Variants in BRINP3 observed in about 807,000 individuals in gnomAD.
BRINP3 encodes the protein BMP/retinoic acid-inducible neural-specific protein 3.
In BRINP3, 19 loss-of-function variants were observed where a neutral mutation model predicts 71.0. The observed-to-expected ratio is 0.27, with a 90% CI of 0.19 to 0.39. The LOEUF is 0.39. BRINP3 is among the 10% of genes least tolerant of loss of function. The pLI is 1.00. For synonymous variants in BRINP3, 380 were observed against 337.7 expected (o/e 1.13, Z -1.37); for missense variants, 959 against 940.8 (o/e 1.02, Z -0.25).
chr1:190,354,873 T>C (rs770619731), intron 2 of BRINP3, among the ~76,000 whole-genome samples: 30 of 151,914 alleles, frequency 2.0e-4, no homozygotes, highest in South Asian at 4.1e-4. Context: ...TATACCTCTA[T>C]TTAAAATTTG....
chr1:190,192,882 G>A (rs571685673), intron 6 of BRINP3, among the ~76,000 whole-genome samples: 4 of 151,952 alleles, frequency 2.6e-5, no homozygotes, highest in Non-Finnish European at 5.9e-5. Context: ...GGAAATATTC[G>A]GGGTAATAAT....
At chr1:190,309,579 A>T (rs1665374858) in intron 2 of BRINP3, among the ~76,000 whole-genome samples, 1 of 151,826 alleles carries the variant, frequency 6.6e-6, no homozygotes, top group Non-Finnish European at 1.5e-5. Flanking sequence ...GACTGGTATT[A>T]ACCTCATGAT....
rs140553518 is a variant in BRINP3, at chr1:190,114,052, C to G, written c.1185-14918G>C. Among the ~76,000 whole-genome samples, 46 of 152,166 alleles carry G rather than the reference C, an allele frequency of 3.0e-4. 1 individual carries two copies. The South Asian group carries it at 6.0e-3, about 20-fold the overall frequency. ...CCCAAATCTCATGTTGAAATGTTAT[C>G]CTCAGTGTTAGGGTTGGGGCCTGGG... On this transcript the variant is annotated intron_variant, in intron 7 of 7. Coordinates refer to ENST00000367462, the MANE Select transcript of BRINP3 (RefSeq NM_199051.3).
At chr1:190,394,040 A>T (rs1671420031) in intron 2 of BRINP3, among the ~76,000 whole-genome samples, 1 of 151,600 alleles carries the variant, frequency 6.6e-6, no homozygotes, top group South Asian at 2.1e-4. Context: ...ATCCATAGAA[A>T]ATATATAATG....
At chr1:190,300,155 G>A (rs565450635) in intron 2 of BRINP3, among the ~76,000 whole-genome samples, 1 of 152,180 alleles carries the variant, frequency 6.6e-6, no homozygotes, top group African/African-American at 2.4e-5. Context: ...TTTCCAACTT[G>A]GTTCCATTCT....
intron 2 of BRINP3, among the ~76,000 whole-genome samples, chr1:190,338,633 T>A (rs976084103): frequency 5.3e-5 from 8 of 151,990 alleles, no homozygotes; most frequent in Admixed American, 5.3e-4. Flanking sequence ...TTTAGACACA[T>A]GCCTGTTTTT....
intron 1 of BRINP3, among the ~76,000 whole-genome samples, chr1:190,463,826 G>A (rs1219931324): frequency 1.3e-5 from 2 of 151,668 alleles, no homozygotes; most frequent in Non-Finnish European, 3.0e-5. Context: ...TTATTTAAAG[G>A]TAATGAATTT....
At chr1:190,267,043 G>A (rs1661722991) in intron 3 of BRINP3, among the ~76,000 whole-genome samples, 2 of 152,086 alleles carry the variant, frequency 1.3e-5, no homozygotes, top group Non-Finnish European at 2.9e-5. Context: ...AGATACAGGA[G>A]CAATAGACAT....
rs750109546 is a variant in BRINP3, at chr1:190,365,635, G to T, written c.237-83885C>A. Among the ~76,000 whole-genome samples the T allele has an allele frequency of 2.3e-3, 326 of 142,284 alleles. 2 individuals are homozygous for T. Among genetic ancestry groups the T allele is most frequent in the Admixed American group, 4.2e-3 (57 of 13,654 alleles). 93.3% of individuals were successfully genotyped at this position (142,284 alleles called of 152,430 possible). ...AAATATATTAATATATTTTATAATT[G>T]TAATATAATGATATAGTAAAAATAT... On this transcript the variant is annotated intron_variant, in intron 2 of 7. Transcript: ENST00000367462.
chr1:190,421,877 T>C (rs1420020259), intron 2 of BRINP3, among the ~76,000 whole-genome samples: 2 of 151,870 alleles, frequency 1.3e-5, no homozygotes, highest in East Asian at 3.8e-4. Flanking sequence ...TACTTATTTA[T>C]ATTTATTTTG....
intron 7 of BRINP3, among the ~76,000 whole-genome samples, chr1:190,155,922 C>T (rs1347308600): frequency 1.3e-5 from 2 of 152,012 alleles, no homozygotes; most frequent in African/African-American, 4.8e-5. Flanking sequence ...TTAGAAATTA[C>T]CAAGTCTCAG....
chr1:190,270,335 T>C (rs958260581), intron 3 of BRINP3, among the ~76,000 whole-genome samples: 4 of 151,226 alleles, frequency 2.6e-5, no homozygotes, highest in African/African-American at 9.7e-5. Context: ...TAAAATTATT[T>C]ATTATTTATT....
chr1:190,103,489 G>A (rs1375181979), intron 7 of BRINP3, among the ~76,000 whole-genome samples: 1 of 152,026 alleles, frequency 6.6e-6, no homozygotes, highest in Non-Finnish European at 1.5e-5. Flanking sequence ...CCCCATCCCA[G>A]ACATAAGAAT....
chr1:190,330,336 C>G (rs555744090), intron 2 of BRINP3, among the ~76,000 whole-genome samples: 1 of 151,912 alleles, frequency 6.6e-6, no homozygotes, highest in African/African-American at 2.4e-5. Context: ...GAACAGACAC[C>G]TCTTAAAAGA....
chr1:190,359,035 T>C (rs1668947561), intron 2 of BRINP3, among the ~76,000 whole-genome samples: 1 of 151,866 alleles, frequency 6.6e-6, no homozygotes, highest in Non-Finnish European at 1.5e-5. Flanking sequence ...AGGGGAGGGA[T>C]AGCATTATGA....
intron 4 of BRINP3, among the ~76,000 whole-genome samples, chr1:190,241,465 TTCTCTC>T (rs151215200): frequency 6.7e-6 from 1 of 149,000 alleles, no homozygotes; most frequent in Non-Finnish European, 1.5e-5. Context: ...ATGTAATTAA[TTCTCTC>T]TCTCTCTCTC....
intron 6 of BRINP3, among the ~76,000 whole-genome samples, chr1:190,193,596 A>G (rs1388417021): frequency 6.6e-6 from 1 of 152,108 alleles, no homozygotes; most frequent in Non-Finnish European, 1.5e-5. Flanking sequence ...GATTAAGTTA[A>G]GGATCTCAAC....
intron 2 of BRINP3, among the ~76,000 whole-genome samples, chr1:190,426,787 A>T (rs892528750): frequency 6.6e-6 from 1 of 151,872 alleles, no homozygotes; most frequent in Non-Finnish European, 1.5e-5. Context: ...TAAAAATTAG[A>T]CAGTTGTGTT....
chr1:190,267,967 T>C (rs1477482849), intron 3 of BRINP3, among the ~76,000 whole-genome samples: 2 of 152,072 alleles, frequency 1.3e-5, no homozygotes. Context: ...AGCACAGATA[T>C]CTAAAAATCA....
Sources: allele counts gnomAD v4.1 joint callset (sites outside exome capture counted in the v4.1 genomes callset), GRCh38; gene constraint gnomAD v4.1.1; transcripts MANE v1.5; gene names NCBI Gene and HGNC (gene_info 2026-07-23, HGNC 2026-07-21).